Variants in GLIS3 observed in about 807,000 individuals in gnomAD.
GLIS3 encodes GLIS family zinc finger 3.
GLIS3 carries 53 observed loss-of-function variants against 78.6 expected under a neutral mutation model. The ratio of observed to expected loss-of-function variants is 0.67; its 90% CI spans 0.54 to 0.85. The LOEUF is 0.85. GLIS3 is among the 40% of genes least tolerant of loss of function. GLIS3 has a pLI of 0.00. For synonymous variants in GLIS3, 684 were observed against 509.9 expected (o/e 1.34, Z -4.60); for missense variants, 1,703 against 1,231.1 (o/e 1.38, Z -5.74).
chr9:4,450,423 T>C, the GLIS3 span, among the ~76,000 whole-genome samples: 1 of 152,190 alleles, frequency 6.6e-6, no homozygotes, highest in Non-Finnish European at 1.5e-5. Flanking sequence ...GAAAACACTC[T>C]GCAGGATATT....
intron 2 of GLIS3, among the ~76,000 whole-genome samples, chr9:4,232,804 A>T (rs1441363237): frequency 6.6e-6 from 1 of 152,170 alleles, no homozygotes; most frequent in Non-Finnish European, 1.5e-5. Flanking sequence ...AAAATGTCCA[A>T]CCACTAGTCA....
intron 6 of GLIS3, among the ~76,000 whole-genome samples, chr9:3,923,208 C>T (rs573945935): frequency 6.6e-6 from 1 of 152,174 alleles, no homozygotes; most frequent in African/African-American, 2.4e-5. Flanking sequence ...CACATTACCA[C>T]TATAATTATC....
chr9:3,921,691 C>T (rs1824900077), intron 6 of GLIS3, among the ~76,000 whole-genome samples: 1 of 151,986 alleles, frequency 6.6e-6, no homozygotes, highest in Non-Finnish European at 1.5e-5. Context: ...AATCAAGTTT[C>T]ACAAATGGCA....
chr9:4,306,504 T>C (rs1411596688), intron 4 of GLIS3, among the ~76,000 whole-genome samples: 1 of 152,210 alleles, frequency 6.6e-6, no homozygotes, highest in Non-Finnish European at 1.5e-5. Context: ...TTTCTACATG[T>C]TCTCAGTTAC....
intron 6 of GLIS3, among the ~76,000 whole-genome samples, chr9:3,915,106 G>A (rs931883075): frequency 6.6e-6 from 1 of 152,162 alleles, no homozygotes; most frequent in African/African-American, 2.4e-5. Flanking sequence ...GCTTGGAGAA[G>A]TGCCTCAGGG....
intron 4 of GLIS3, among the ~76,000 whole-genome samples, chr9:3,998,797 A>T (rs1490538180): frequency 7.0e-6 from 1 of 143,832 alleles, no homozygotes; most frequent in Non-Finnish European, 1.6e-5. Context: ...TTTTAATAAA[A>T]TAATATTTTA....
At chr9:4,384,918 CTA>C in the GLIS3 span, among the ~76,000 whole-genome samples, 2 of 151,788 alleles carry the variant, frequency 1.3e-5, no homozygotes, top group African/African-American at 4.9e-5. Context: ...ACATTGGGTC[CTA>C]ACTGTCATTG....
At chr9:4,192,443 T>A (rs1399089237) in intron 2 of GLIS3, among the ~76,000 whole-genome samples, 2 of 152,250 alleles carry the variant, frequency 1.3e-5, no homozygotes, top group Non-Finnish European at 1.5e-5. Flanking sequence ...TGGGAAAACA[T>A]GTTCCAAGTT....
At chr9:4,281,397 C>A (rs1827537086) in intron 2 of GLIS3, among the ~76,000 whole-genome samples, 1 of 152,072 alleles carries the variant, frequency 6.6e-6, no homozygotes, top group African/African-American at 2.4e-5. Context: ...CTTTTCCATC[C>A]TCACCAACTG....
intron 4 of GLIS3, among the ~76,000 whole-genome samples, chr9:4,006,489 G>A (rs1394455817): frequency 6.6e-6 from 1 of 152,098 alleles, no homozygotes; most frequent in African/African-American, 2.4e-5. Flanking sequence ...ACTGAGTTGA[G>A]GAACACTTGA....
At chr9:4,280,438 T>C (rs1238647198) in intron 2 of GLIS3, among the ~76,000 whole-genome samples, 1 of 152,228 alleles carries the variant, frequency 6.6e-6, no homozygotes, top group Non-Finnish European at 1.5e-5. Context: ...CTTAGGAATT[T>C]GGAGGTCACA....
intron 4 of GLIS3, among the ~76,000 whole-genome samples, chr9:3,968,464 T>C (rs552983995): frequency 3.9e-4 from 60 of 152,298 alleles, no homozygotes; most frequent in African/African-American, 1.4e-3. Flanking sequence ...TATATGCATA[T>C]GAAAAATACA....
chr9:4,222,190 T>C (rs1175174415), intron 2 of GLIS3, among the ~76,000 whole-genome samples: 1 of 152,222 alleles, frequency 6.6e-6, no homozygotes, highest in African/African-American at 2.4e-5. Context: ...CTCTAAGTGC[T>C]GTACAGCTAT....
the GLIS3 span, among the ~76,000 whole-genome samples, chr9:4,385,797 GAAAGAAAGAAAGA>G: frequency 5.0e-3 from 368 of 73,326 alleles, 41 homozygotes; most frequent in African/African-American, 0.025. Context: ...AAGAAAGAAA[GAAAGAAAGAAAGA>G]AAAGAAAGAA....
At chr9:3,845,369 C>T (rs948449373) in intron 9 of GLIS3, among the ~76,000 whole-genome samples, 13 of 152,226 alleles carry the variant, frequency 8.5e-5, no homozygotes, top group African/African-American at 3.1e-4. Context: ...TGGGCATATA[C>T]ATAGACACAG....
At position 4,118,877 on chromosome 9, in the gene GLIS3, G is replaced by C; in HGVS notation, c.601C>G (p.Leu201Val). The C allele has an allele frequency of 2.5e-6, 4 of 1,601,042 alleles. No individual in the cohort carries two copies. Among genetic ancestry groups the C allele is most frequent in the Non-Finnish European group, 3.4e-6 (4 of 1,179,908 alleles). The change falls in exon 4 of 11, where the codon CTT (leucine) becomes GTT (valine). Residue 201 changes from leucine to valine, a missense_variant. By Grantham distance (32) the Leu-to-Val change is conservative. Transcript: ENST00000381971. The surrounding 1 kb of genome is among the most constrained non-coding windows in gnomAD (Gnocchi z 4.7). ...GACGCCAAAGACTCACGCGAAATAA[G>C]GGACCTGGAACAGCAGCCAGAAAGG... The part of the protein sequence containing the change: ...LNIPPSDTRS[L>V]ISRESLASTT...
At chr9:4,283,854 T>C (rs1049174839) in intron 2 of GLIS3, among the ~76,000 whole-genome samples, 1 of 152,194 alleles carries the variant, frequency 6.6e-6, no homozygotes, top group Non-Finnish European at 1.5e-5. Context: ...GCTCCAAAGC[T>C]AGAGGTGATA....
At chr9:3,873,314 T>C (rs1261536069) in intron 8 of GLIS3, among the ~76,000 whole-genome samples, 1 of 151,934 alleles carries the variant, frequency 6.6e-6, no homozygotes, top group Non-Finnish European at 1.5e-5. Flanking sequence ...CAGGCCAATA[T>C]CCCTGATAAA....
chr9:4,394,372 A>G, the GLIS3 span, among the ~76,000 whole-genome samples: 17 of 151,254 alleles, frequency 1.1e-4, no homozygotes, highest in Non-Finnish European at 2.2e-4. Context: ...CCCTAGCTCA[A>G]AGATTACAGG....
Sources: gnomAD v4.1 joint callset for allele counts (sites outside exome capture counted in the v4.1 genomes callset) on GRCh38, gnomAD v4.1.1 for gene constraint, Gnocchi (gnomAD v3.1) non-coding constraint, MANE v1.5 for transcripts, NCBI Gene and HGNC (gene_info 2026-07-23, HGNC 2026-07-21) for gene names.